Variants in MEGF10 observed in about 807,000 individuals in gnomAD.
The protein encoded by MEGF10 is multiple EGF like domains 10, also known as multiple epidermal growth factor-like domains protein 10.
A neutral mutation model predicts 147.5 loss-of-function variants in MEGF10; 86 were observed. The observed-to-expected ratio is 0.58, with a 90% CI of 0.49 to 0.70. MEGF10 has a LOEUF of 0.70. Ranked by LOEUF, MEGF10 falls within the 30% of genes least tolerant of loss-of-function variation. The probability of loss-of-function intolerance (pLI) is 0.00; values close to 1 mark genes in which losing one functional copy is unlikely to be tolerated. For synonymous variants in MEGF10, 478 were observed against 525.5 expected, an observed-to-expected ratio of 0.91 and a Z score of 1.24; for missense variants, 1,329 against 1,487.3, an observed-to-expected ratio of 0.89 and a Z score of 1.75.
At chr5:127,402,405 G>T in intron 7 of MEGF10, 141 bp from the exon 8 acceptor site, 1 of 832,228 alleles carries the variant, frequency 1.2e-6, no homozygotes, top group African/African-American at 1.7e-5. Context: ...CAGTTTATGT[G>T]CTCTAAAATT....
Position 127,396,740 on chromosome 5 carries a change from G to A in MEGF10, c.621G>A (p.Thr207=), listed in dbSNP as rs749902531. 26 of 1,613,990 alleles carry A rather than the reference G, an allele frequency of 1.6e-5. No homozygotes were observed. The highest frequency in any genetic ancestry group is 5.3e-5 in the African/African-American group (4 of 75,076). ...CQNGATCDHV[T]GECRCPPGYT... ...ATGGAGCCACCTGCGACCACGTCAC[G>A]GGGGAATGCCGCTGCCCACCAGGAT... The change falls in exon 6 of 25, where the codon ACG becomes ACA. Residue 207 remains threonine (T), a synonymous_variant. Transcript: ENST00000503335.
At chr5:127,430,905 T>G (rs1765369477) in intron 13 of MEGF10, among the ~76,000 whole-genome samples, 1 of 152,252 alleles carries the variant, frequency 6.6e-6, no homozygotes, top group African/African-American at 2.4e-5. Flanking sequence ...TAATAGAATT[T>G]TTATAATTTA....
rs138846147 is a variant in MEGF10, at chr5:127,412,599, G to A, written c.1130+1998G>A. ...TACATTGTCTTTAGGTACATATTGA[G>A]TTCTATGGATATACACATTGACATA... On this transcript the variant is annotated intron_variant, in intron 9 of 24. Coordinates refer to ENST00000503335, the MANE Select transcript of MEGF10 (RefSeq NM_001256545.2). Among the ~76,000 whole-genome samples, 55 of 152,052 alleles carry A rather than the reference G, an allele frequency of 3.6e-4. No homozygotes were observed. In the East Asian group the frequency reaches 8.5e-3, roughly 24 times the overall value.
rs199750143 is a variant in MEGF10, at chr5:127,449,097, A to G, written c.2857-2A>G. The G allele has an allele frequency of 1.2e-4, 198 of 1,613,924 alleles. No homozygotes were observed. The highest frequency in any genetic ancestry group is 1.8e-4 in the Admixed American group (11 of 59,978). Reference sequence around the variant, plus strand: ...ATCTTTCGTTGTTTATATTTTTAACAGTCAAAAAACAATCAACTGTTTGTG... The same window carrying G: ...ATCTTTCGTTGTTTATATTTTTAACGGTCAAAAAACAATCAACTGTTTGTG... On this transcript the variant is annotated splice_acceptor_variant, in intron 21 of 24. Coordinates refer to ENST00000503335, the MANE Select transcript of MEGF10 (RefSeq NM_001256545.2). LOFTEE classifies it high-confidence loss of function.
At chr5:127,368,797 G>A (rs1012674596) in intron 4 of MEGF10, among the ~76,000 whole-genome samples, 3 of 151,922 alleles carry the variant, frequency 2.0e-5, no homozygotes, top group Non-Finnish European at 1.5e-5. Context: ...ACACCTTAGT[G>A]CATAAATCAC....
At chr5:127,381,879 C>T (rs1336325819) in intron 5 of MEGF10, among the ~76,000 whole-genome samples, 1 of 152,166 alleles carries the variant, frequency 6.6e-6, no homozygotes, top group African/African-American at 2.4e-5. Context: ...CCATGTGGGC[C>T]AGGCTGGTCT....
At chr5:127,343,255 T>C (rs1416101642) in intron 4 of MEGF10, among the ~76,000 whole-genome samples, 1 of 152,146 alleles carries the variant, frequency 6.6e-6, no homozygotes, top group African/African-American at 2.4e-5. Flanking sequence ...GTAGTTTACC[T>C]AGAAGGAAAA....
chr5:127,445,221 T>G, intron 19 of MEGF10: 1 of 524,774 alleles, frequency 1.9e-6, no homozygotes, highest in Non-Finnish European at 3.4e-6. Context: ...CACGCATCAC[T>G]GTGCCCAGCT....
At chr5:127,329,244 G>A (rs966587618) in intron 1 of MEGF10, among the ~76,000 whole-genome samples, 3 of 151,942 alleles carry the variant, frequency 2.0e-5, no homozygotes, top group South Asian at 2.1e-4. Context: ...AACTATTTAC[G>A]CTTTATCTAT....
chr5:127,412,999 C>T (rs1340740121), intron 9 of MEGF10, among the ~76,000 whole-genome samples: 1 of 152,168 alleles, frequency 6.6e-6, no homozygotes, highest in Non-Finnish European at 1.5e-5. Context: ...CCCCAACATA[C>T]ACTTTTTAAG....
intron 5 of MEGF10, among the ~76,000 whole-genome samples, chr5:127,372,676 A>G (rs950235734): frequency 2.0e-5 from 3 of 152,076 alleles, no homozygotes; most frequent in African/African-American, 7.2e-5. Context: ...ATGTTCCCCA[A>G]TCTGTGTTTG....
chr5:127,396,498 C>G lies in MEGF10; in HGVS notation c.413-34C>G, dbSNP rs186672699. On this transcript the variant is annotated intron_variant, in intron 5 of 24. Transcript: ENST00000503335. ...CGAAGAAATCTGGTTCTCCCTTACC[C>G]ACTGATATCCACTGTTTCTCTCCTC... The G allele has an allele frequency of 2.7e-3, 4,075 of 1,500,516 alleles. 6 individuals carry two copies. Among genetic ancestry groups the G allele is most frequent in the Non-Finnish European group, 3.3e-3 (3,697 of 1,122,134 alleles). The allele number at this position is 1,500,516 out of a possible 1,614,324, so 93.0% of individuals were successfully genotyped here. A position where few individuals can be genotyped will look rare whatever the true frequency, so the allele number is the denominator to read the frequency against.
intron 4 of MEGF10, among the ~76,000 whole-genome samples, chr5:127,358,987 GC>G (rs956725182): frequency 6.6e-6 from 1 of 151,564 alleles, no homozygotes; most frequent in Non-Finnish European, 1.5e-5. Flanking sequence ...AGGATTATGT[GC>G]CCCACAGATG....
chr5:127,354,861 A>G (rs1762221939), intron 4 of MEGF10, among the ~76,000 whole-genome samples: 1 of 152,160 alleles, frequency 6.6e-6, no homozygotes, highest in Non-Finnish European at 1.5e-5. Flanking sequence ...TTCAATGGCT[A>G]TGTTTTGCCT....
At chr5:127,417,617 C>T (rs1412402393) in intron 9 of MEGF10, 21 bp from the exon 10 acceptor site, 1 of 1,613,850 alleles carries the variant, frequency 6.2e-7, no homozygotes, top group South Asian at 1.1e-5. Context: ...GTGACTTATT[C>T]CTTTCATCCA....
chr5:127,431,026 T>C (rs2126996133), intron 13 of MEGF10, among the ~76,000 whole-genome samples: 1 of 152,348 alleles, frequency 6.6e-6, no homozygotes, highest in Non-Finnish European at 1.5e-5. Flanking sequence ...TGATCAATGA[T>C]CTATAGAATT....
chr5:127,429,370 A>G (rs1580860274), intron 13 of MEGF10, among the ~76,000 whole-genome samples: 1 of 152,166 alleles, frequency 6.6e-6, no homozygotes, highest in East Asian at 1.9e-4. Flanking sequence ...TTGATATACA[A>G]CCTATAAATA....
At chr5:127,265,870 T>G in the MEGF10 span, among the ~76,000 whole-genome samples, 5 of 152,140 alleles carry the variant, frequency 3.3e-5, no homozygotes, top group Non-Finnish European at 5.9e-5. Flanking sequence ...TTCTGTAGGT[T>G]GCCTGTTCAC....
chr5:127,280,669 C>G, the MEGF10 span, among the ~76,000 whole-genome samples: 2 of 151,312 alleles, frequency 1.3e-5, no homozygotes, highest in Non-Finnish European at 2.9e-5. Context: ...AGAGAGGGCA[C>G]GTGAGACTGA....
Sources: gnomAD v4.1 joint callset for allele counts (sites outside exome capture counted in the v4.1 genomes callset) on GRCh38, gnomAD v4.1.1 for gene constraint, MANE v1.5 for transcripts, NCBI Gene and HGNC (gene_info 2026-07-23, HGNC 2026-07-21) for gene names.